Variants in TTC13 observed in about 807,000 individuals in gnomAD.
TTC13 encodes tetratricopeptide repeat protein 13.
A neutral mutation model predicts 120.0 loss-of-function variants in TTC13; 62 were observed. That is an observed-to-expected ratio of 0.52 (90% CI 0.42 to 0.64). The LOEUF (loss-of-function observed/expected upper bound fraction) is 0.64, where lower values mean the gene tolerates loss of function less well. Among genes scored for constraint, TTC13 ranks in the 30% least tolerant of loss-of-function variants. The probability of loss-of-function intolerance (pLI) is 0.00; values close to 1 mark genes in which losing one functional copy is unlikely to be tolerated. For synonymous variants in TTC13, 384 were observed against 393.5 expected, an observed-to-expected ratio of 0.98 and a Z score of 0.28; for missense variants, 824 against 1,050.2, an observed-to-expected ratio of 0.78 and a Z score of 2.98.
At chr1:230,975,861 T>C (rs1678253483) in intron 1 of TTC13, among the ~76,000 whole-genome samples, 1 of 152,158 alleles carries the variant, frequency 6.6e-6, no homozygotes, top group Non-Finnish European at 1.5e-5. Flanking sequence ...GGGACATGGA[T>C]GCCATGTGAC....
In TTC13 at chr1:230,978,858, C is replaced by A; in HGVS notation, c.-28G>T. 6.9e-7 allele frequency: 1 copy of A among 1,442,742 alleles called. No individual in the cohort carries two copies. The highest frequency in any genetic ancestry group is 2.8e-5 in the Admixed American group (1 of 35,164). The allele number at this position is 1,442,742 out of a possible 1,614,324, so 89.4% of individuals were successfully genotyped here. ...TCCCTCAAGGCGCATGCGCGACAGC[C>A]CTTGCCCGGCTCTCAGGCCTCCCCG... is the stretch of plus-strand genomic sequence containing the variant. On this transcript the variant is annotated 5_prime_UTR_variant, in exon 1 of 23. Coordinates refer to ENST00000366661, the MANE Select transcript of TTC13 (RefSeq NM_024525.5). The surrounding 1 kb of genome is among the most constrained non-coding windows in gnomAD (Gnocchi z 5.6).
intron 20 of TTC13, among the ~76,000 whole-genome samples, chr1:230,909,942 G>A (rs1057180973): frequency 6.6e-6 from 1 of 152,194 alleles, no homozygotes; most frequent in African/African-American, 2.4e-5. Context: ...TCTTGGTGAG[G>A]GAAGAGAGGG....
At position 230,955,620 on chromosome 1, in the gene TTC13, G is replaced by A. The variant is rs368152705; in HGVS notation, c.443-1217C>T. On this transcript the variant is annotated intron_variant, in intron 3 of 22. Transcript: ENST00000366661. ...CAGGAGGCGGAGCTTGCAGTGAGCC[G>A]AGATGGCGCCACTGCACTCCAGCCT... 1.8e-4 allele frequency among the ~76,000 whole-genome samples: 26 copies of A among 144,424 alleles called. 1 individual carries two copies. Among genetic ancestry groups the A allele is most frequent in the African/African-American group, 5.7e-4 (22 of 38,530 alleles). 94.7% of individuals were successfully genotyped at this position (144,424 alleles called of 152,430 possible). A position where few individuals can be genotyped will look rare whatever the true frequency, so the allele number is the denominator to read the frequency against.
At chr1:230,958,884 T>C (rs925928577) in intron 2 of TTC13, among the ~76,000 whole-genome samples, 2 of 152,280 alleles carry the variant, frequency 1.3e-5, no homozygotes, top group South Asian at 4.1e-4. Context: ...CCCCAGCTAC[T>C]TGGTTGGGGC....
chr1:230,908,196 G>A (rs1671129491), intron 22 of TTC13, among the ~76,000 whole-genome samples: 1 of 152,088 alleles, frequency 6.6e-6, no homozygotes. Context: ...TTTTATTCAT[G>A]GTTCTTTAAG....
At chr1:230,965,223 C>T (rs1677022154) in intron 1 of TTC13, among the ~76,000 whole-genome samples, 1 of 152,098 alleles carries the variant, frequency 6.6e-6, no homozygotes, top group South Asian at 2.1e-4. Context: ...TTGCAAACTA[C>T]CCCTCTGACA....
intron 4 of TTC13, among the ~76,000 whole-genome samples, chr1:230,946,639 T>C (rs1327097163): frequency 6.6e-6 from 1 of 152,110 alleles, no homozygotes; most frequent in African/African-American, 2.4e-5. Flanking sequence ...CCAACAAACA[T>C]GGGCCCACAT....
intron 11 of TTC13, 102 bp from the exon 12 acceptor site, chr1:230,929,195 T>A: frequency 8.0e-7 from 1 of 1,245,772 alleles, no homozygotes. Context: ...GTTCTTCAAT[T>A]ATAAGAATTC....
intron 11 of TTC13, among the ~76,000 whole-genome samples, chr1:230,930,966 C>A (rs1673495236): frequency 6.6e-6 from 1 of 152,138 alleles, no homozygotes; most frequent in African/African-American, 2.4e-5. Context: ...CAGTTTCCTG[C>A]CCTTCCTGTA....
chr1:230,921,585 T>A (rs1672580878), intron 15 of TTC13, 81 bp from the exon 16 acceptor site: 3 of 745,800 alleles, frequency 4.0e-6, no homozygotes, highest in Middle Eastern at 4.0e-4. Context: ...AAAGTTAATT[T>A]AAAAAAATAA....
intron 3 of TTC13, among the ~76,000 whole-genome samples, chr1:230,957,751 C>T (rs563296793): frequency 6.6e-6 from 1 of 151,890 alleles, no homozygotes; most frequent in African/African-American, 2.4e-5. Flanking sequence ...CTATGTGACT[C>T]GTGCAGGTAC....
At chr1:230,927,083 C>T (rs1673115195) in intron 12 of TTC13, among the ~76,000 whole-genome samples, 1 of 152,192 alleles carries the variant, frequency 6.6e-6, no homozygotes, top group Non-Finnish European at 1.5e-5. Context: ...TTTGTTTATA[C>T]TGCTGTATAA....
At chr1:230,924,810 T>TA in intron 14 of TTC13, 31 bp downstream of exon 14, 1 of 1,613,426 alleles carries the variant, frequency 6.2e-7, no homozygotes, top group African/African-American at 1.3e-5. Context: ...TGATAAGACT[T>TA]ATAGTTTATT....
intron 1 of TTC13, among the ~76,000 whole-genome samples, chr1:230,969,648 T>C (rs1677520066): frequency 6.6e-6 from 1 of 152,218 alleles, no homozygotes; most frequent in Admixed American, 6.5e-5. Flanking sequence ...AATGTAACAG[T>C]GGCTCAGGGC....
chr1:230,960,945 A>G (rs1308116365), intron 2 of TTC13, among the ~76,000 whole-genome samples: 1 of 152,238 alleles, frequency 6.6e-6, no homozygotes, highest in Non-Finnish European at 1.5e-5. Flanking sequence ...ACAAATACAC[A>G]AGGCTGCTAG....
rs1246666173 is a variant in TTC13, at chr1:230,943,833, A to G, written c.645T>C (p.Arg215=). Residue 215 remains arginine (R), a synonymous_variant, in exon 6 of 23, where the codon CGT becomes CGC. Coordinates refer to ENST00000366661, the MANE Select transcript of TTC13 (RefSeq NM_024525.5). The part of the protein sequence containing the change: ...LSRVITLEPD[R]PEVFEQRAEI... ...CTGCTCGCTGCTCAAATACCTCTGGACGATCTGGTTCCAAGGTAATTACTC... is the reference window on the plus strand; with the variant it reads ...CTGCTCGCTGCTCAAATACCTCTGGGCGATCTGGTTCCAAGGTAATTACTC... 6.2e-6 allele frequency: 10 copies of G among 1,611,942 alleles called. No homozygotes were observed. Among genetic ancestry groups the G allele is most frequent in the South Asian group, 3.3e-5 (3 of 90,844 alleles).
chr1:230,936,797 C>T (rs1050157004), intron 8 of TTC13, among the ~76,000 whole-genome samples: 1 of 151,714 alleles, frequency 6.6e-6, no homozygotes, highest in Non-Finnish European at 1.5e-5. Flanking sequence ...TAATACTTGT[C>T]TCTGCGGTTA....
rs1176086324 is a variant in TTC13, at chr1:230,928,275, CATTT to C, written c.1457+658_1457+661del. Among the ~76,000 whole-genome samples the C allele has an allele frequency of 6.6e-5, 10 of 152,256 alleles. No individual in the cohort carries two copies. The South Asian group carries it at 1.0e-3, about 16-fold the overall frequency. The stretch of plus-strand genomic sequence containing the variant: ...AATCCATGAACATAGTATTTCTCAC[CATTT>C]ATTTGTTTTATCTTAGTAACTTTCA... On this transcript the variant is annotated intron_variant, in intron 12 of 22. Transcript: ENST00000366661.
intron 1 of TTC13, among the ~76,000 whole-genome samples, chr1:230,976,506 C>CT (rs1678323313): frequency 6.6e-6 from 1 of 152,196 alleles, no homozygotes; most frequent in Non-Finnish European, 1.5e-5. Context: ...AGGGAAACAG[C>CT]TGGAGCTCCA....
Sources: allele counts gnomAD v4.1 joint callset (sites outside exome capture counted in the v4.1 genomes callset), GRCh38; gene constraint gnomAD v4.1.1; non-coding constraint Gnocchi (gnomAD v3.1); transcripts MANE v1.5; gene names NCBI Gene and HGNC (gene_info 2026-07-23, HGNC 2026-07-21).